LHX8: variants seen among roughly 807,000 people sequenced by gnomAD.
The protein encoded by LHX8 is LIM homeobox 8, also known as LIM/homeobox protein Lhx8.
In LHX8, 12 loss-of-function variants were observed where a neutral mutation model predicts 40.3. That is an observed-to-expected ratio of 0.30 (90% CI 0.19 to 0.48). The LOEUF (loss-of-function observed/expected upper bound fraction) is 0.48. Among genes scored for constraint, LHX8 ranks in the 20% least tolerant of loss-of-function variants. The pLI is 0.99. For synonymous variants in LHX8, 179 were observed against 162.0 expected, an observed-to-expected ratio of 1.10 and a Z score of -0.80; for missense variants, 344 against 433.7, an observed-to-expected ratio of 0.79 and a Z score of 1.84.
At chr1:75,157,170 A>G in intron 8 of LHX8, 94 bp downstream of exon 8, 2 of 1,376,426 alleles carry the variant, frequency 1.5e-6, no homozygotes, top group Non-Finnish European at 2.1e-6. Context: ...ATTTTGAAAT[A>G]TTACCTCAGT....
chr1:75,190,102 A>G, the LHX8 span, among the ~76,000 whole-genome samples: 1 of 152,342 alleles, frequency 6.6e-6, no homozygotes, highest in Non-Finnish European at 1.5e-5. Context: ...TGAGCTGAAC[A>G]CAGATGAGAT....
At chr1:75,181,120 A>G in the LHX8 span, among the ~76,000 whole-genome samples, 14,703 of 152,176 alleles carry the variant, frequency 0.097, 1,045 homozygotes, top group African/African-American at 0.19. Context: ...TGAGGTGTCA[A>G]TCAGCCCCTA....
At chr1:75,155,306 C>T (rs1489522207) in intron 7 of LHX8, among the ~76,000 whole-genome samples, 1 of 134,214 alleles carries the variant, frequency 7.5e-6, no homozygotes, top group Non-Finnish European at 1.5e-5. Context: ...ATGATCTTGG[C>T]TCACTGCAAG....
At chr1:75,157,208 C>A in intron 8 of LHX8, 132 bp downstream of exon 8, 1 of 937,434 alleles carries the variant, frequency 1.1e-6, no homozygotes. Flanking sequence ...GTGGGGGGTG[C>A]AGTAGAGAGC....
downstream of LHX8, among the ~76,000 whole-genome samples, chr1:75,165,647 G>T (rs1009601525): frequency 6.6e-6 from 1 of 152,106 alleles, no homozygotes; most frequent in African/African-American, 2.4e-5. Context: ...AACAACATCT[G>T]TCTTGCTCTC....
At chr1:75,172,958 C>G in the LHX8 span, among the ~76,000 whole-genome samples, 2 of 152,142 alleles carry the variant, frequency 1.3e-5, no homozygotes, top group Non-Finnish European at 2.9e-5. Flanking sequence ...CTTAAAATAA[C>G]TCTCAGCTGG....
At position 75,156,959 on chromosome 1, in the gene LHX8, C is replaced by T; in HGVS notation, c.847C>T (p.Pro283Ser). 6.2e-7 allele frequency: 1 copy of T among 1,614,120 alleles called. No individual in the cohort carries two copies. Among genetic ancestry groups the T allele is most frequent in the Non-Finnish European group, 8.5e-7 (1 of 1,179,982 alleles). Residue 283 changes from proline (P) to serine (S), a missense_variant, in exon 8 of 9, where the codon CCA becomes TCA. Transcript: ENST00000356261. ...HVSPNHSSST[P>S]VTAVPPSRLS... ...CAGTCCTAATCACTCATCCTCCACC[C>T]CAGTCACAGCAGTCCCACCCTCCAG... is the stretch of plus-strand genomic sequence containing the variant.
chr1:75,174,522 T>TAC, the LHX8 span, among the ~76,000 whole-genome samples: 34 of 151,250 alleles, frequency 2.2e-4, no homozygotes, highest in Middle Eastern at 3.5e-3. Flanking sequence ...CACACATGCA[T>TAC]ACACACACAC....
chr1:75,137,094 C>G lies in LHX8; in HGVS notation c.76-6C>G. On this transcript the variant is annotated splice_region_variant and splice_polypyrimidine_tract_variant and intron_variant, in intron 2 of 8. Coordinates refer to ENST00000356261, the MANE Select transcript of LHX8 (RefSeq NM_001256114.2). ...AGAACCGCCTGCGCCTCGCGGTTTC[C>G]TGCAGGTGAGCCCCGAGGGAGCGGG... 1 of 1,600,372 alleles carries G rather than the reference C, an allele frequency of 6.2e-7. No individual in the cohort carries two copies. The highest frequency in any genetic ancestry group is 8.5e-7 in the Non-Finnish European group (1 of 1,171,456).
At chr1:75,179,062 T>C in the LHX8 span, among the ~76,000 whole-genome samples, 8 of 152,216 alleles carry the variant, frequency 5.3e-5, no homozygotes, top group Non-Finnish European at 1.0e-4. Context: ...TTCTGTTTTT[T>C]CACATTGCTG....
chr1:75,181,459 G>A, the LHX8 span, among the ~76,000 whole-genome samples: 41 of 152,212 alleles, frequency 2.7e-4, no homozygotes, highest in East Asian at 3.5e-3. Context: ...GTTCGATCTC[G>A]GACTAGGAGT....
At chr1:75,179,616 C>T in the LHX8 span, among the ~76,000 whole-genome samples, 19 of 149,954 alleles carry the variant, frequency 1.3e-4, no homozygotes, top group African/African-American at 4.2e-4. Context: ...GAATACAGCA[C>T]TCTTGATGGG....
At chr1:75,162,787 A>G (rs1648947889), downstream of LHX8, among the ~76,000 whole-genome samples, 1 of 152,210 alleles carries the variant, frequency 6.6e-6, no homozygotes, top group African/African-American at 2.4e-5. Context: ...ATCTCTAGCC[A>G]GAGATCTTAT....
chr1:75,155,321 A>G (rs61529700), intron 7 of LHX8, among the ~76,000 whole-genome samples: 2,054 of 130,218 alleles, frequency 0.016, 26 homozygotes, highest in African/African-American at 0.035. Context: ...TGCAAGCTCC[A>G]CCTCCCAGGT....
chr1:75,133,944 C>T (rs1482739792), upstream of LHX8, among the ~76,000 whole-genome samples: 2 of 152,114 alleles, frequency 1.3e-5, no homozygotes, highest in African/African-American at 2.4e-5. Context: ...TAAGTCAGCT[C>T]CCAGGCTGCC....
the LHX8 span, among the ~76,000 whole-genome samples, chr1:75,178,342 AT>A: frequency 1.3e-5 from 2 of 151,828 alleles, no homozygotes; most frequent in Non-Finnish European, 2.9e-5. Flanking sequence ...TATTGCTTCA[AT>A]TTCAGAGCCT....
intron 5 of LHX8, 130 bp from the exon 6 acceptor site, chr1:75,143,715 T>C: frequency 1.4e-6 from 1 of 728,436 alleles, no homozygotes; most frequent in Non-Finnish European, 2.5e-6. Context: ...GTTTTAAAAC[T>C]TAAGGGGTTT....
chr1:75,181,090 C>T, the LHX8 span, among the ~76,000 whole-genome samples: 1 of 152,288 alleles, frequency 6.6e-6, no homozygotes, highest in Admixed American at 6.5e-5. Context: ...AGCTTTGTCT[C>T]AGAGGGGCAC....
At chr1:75,158,607 G>A (rs1648832041) in intron 8 of LHX8, among the ~76,000 whole-genome samples, 1 of 152,098 alleles carries the variant, frequency 6.6e-6, no homozygotes. Context: ...TTATGTTGAT[G>A]AAAATAGAAA....
Sources: allele counts gnomAD v4.1 joint callset (sites outside exome capture counted in the v4.1 genomes callset), GRCh38; gene constraint gnomAD v4.1.1; transcripts MANE v1.5; gene names NCBI Gene and HGNC (gene_info 2026-07-23, HGNC 2026-07-21).